The following MED27 variants were observed in gnomAD, a reference collection of about 807,000 sequenced individuals.
The protein encoded by MED27 is mediator of RNA polymerase II transcription subunit 27.
MED27 carries 30 observed loss-of-function variants against 38.2 expected under a neutral mutation model. The observed-to-expected ratio is 0.79, with a 90% CI of 0.59 to 1.07. MED27 has a LOEUF of 1.07. Ranked by LOEUF, MED27 falls within the 50% of genes least tolerant of loss-of-function variation. The pLI is 0.00. For synonymous variants in MED27, 122 were observed against 153.5 expected, an observed-to-expected ratio of 0.79 and a Z score of 1.52; for missense variants, 289 against 397.5, an observed-to-expected ratio of 0.73 and a Z score of 2.32.
intron 6 of MED27, among the ~76,000 whole-genome samples, chr9:131,870,471 C>A (rs536100695): frequency 6.6e-6 from 1 of 152,336 alleles, no homozygotes; most frequent in South Asian, 2.1e-4. Context: ...GGTACTCTCA[C>A]GTTTGGGACT....
chr9:131,930,048 C>A (rs773235085), intron 4 of MED27, among the ~76,000 whole-genome samples: 7 of 148,896 alleles, frequency 4.7e-5, no homozygotes, highest in African/African-American at 1.8e-4. Flanking sequence ...GAGAGAGAGG[C>A]TCCCTTTGTT....
At chr9:131,899,905 C>T (rs1211427480) in intron 4 of MED27, among the ~76,000 whole-genome samples, 3 of 152,254 alleles carry the variant, frequency 2.0e-5, no homozygotes, top group African/African-American at 7.2e-5. Context: ...TTTCCACAAA[C>T]TAGCCAATGC....
At chr9:131,939,900 CTTTTTTTTT>C (rs545565196) in intron 3 of MED27, among the ~76,000 whole-genome samples, 1 of 136,172 alleles carries the variant, frequency 7.3e-6, no homozygotes. Flanking sequence ...AAATTCCTTC[CTTTTTTTTT>C]TTTTTTTTTT....
chr9:131,924,952 T>G (rs1175295472), intron 4 of MED27, among the ~76,000 whole-genome samples: 1 of 152,248 alleles, frequency 6.6e-6, no homozygotes, highest in Non-Finnish European at 1.5e-5. Flanking sequence ...AGTGTTTCTT[T>G]CTCTAGGTGA....
chr9:132,001,357 T>C (rs1832230259), intron 3 of MED27, among the ~76,000 whole-genome samples: 1 of 152,158 alleles, frequency 6.6e-6, no homozygotes, highest in Non-Finnish European at 1.5e-5. Flanking sequence ...ATTGATTATA[T>C]TTTTGTAGCC....
rs886180558 is a variant in MED27, at chr9:132,051,149, A to G, written c.348+26293T>C. 6.6e-6 allele frequency among the ~76,000 whole-genome samples: 1 copy of G among 152,216 alleles called. No homozygotes were observed. Among genetic ancestry groups the G allele is most frequent in the African/African-American group, 2.4e-5 (1 of 41,456 alleles). On this transcript the variant is annotated intron_variant, in intron 2 of 7. Transcript: ENST00000292035. The surrounding 1 kb of genome is among the most constrained non-coding windows in gnomAD (Gnocchi z 4.2). ...TAATCAATTATGAGATGTGTCCCAA[A>G]TAACATGTTCCCGATAACAGTTAAA... is the stretch of plus-strand genomic sequence containing the variant.
chr9:131,872,148 G>A lies in MED27; in HGVS notation c.724-9008C>T, dbSNP rs768194582. ...GGCTGGTGGACCAGGCTGGGGACCA[G>A]GACCCAGGAGTTCACAGGCTCCCTG... On this transcript the variant is annotated intron_variant, in intron 6 of 7. Coordinates refer to ENST00000292035, the MANE Select transcript of MED27 (RefSeq NM_004269.4). This position sits in a 1 kb window ranked among gnomAD's most constrained non-coding sequence, Gnocchi z 5.6. Among the ~76,000 whole-genome samples the A allele has an allele frequency of 5.9e-5, 9 of 152,214 alleles. No homozygotes were observed. Among genetic ancestry groups the A allele is most frequent in the Non-Finnish European group, 1.2e-4 (8 of 68,044 alleles).
chr9:131,896,642 G>A (rs1389633511), intron 4 of MED27, among the ~76,000 whole-genome samples: 1 of 151,948 alleles, frequency 6.6e-6, no homozygotes, highest in Non-Finnish European at 1.5e-5. Context: ...TAACATTTTG[G>A]GGTACTTCCT....
At chr9:132,021,965 T>C (rs1832725757) in intron 2 of MED27, among the ~76,000 whole-genome samples, 1 of 152,148 alleles carries the variant, frequency 6.6e-6, no homozygotes, top group Admixed American at 6.5e-5. Flanking sequence ...CTGTGAAAAA[T>C]AAATGTTTGT....
chr9:132,043,331 G>A (rs1283452448), intron 2 of MED27, among the ~76,000 whole-genome samples: 7 of 148,448 alleles, frequency 4.7e-5, no homozygotes, highest in Admixed American at 4.0e-4. Flanking sequence ...AAAAAAAAAG[G>A]AATAAAGATG....
intron 2 of MED27, among the ~76,000 whole-genome samples, chr9:132,060,830 T>C (rs1475821693): frequency 5.3e-5 from 8 of 152,082 alleles, no homozygotes; most frequent in South Asian, 2.1e-4. Flanking sequence ...GTGCCTGTAA[T>C]CTCAGCTACT....
chr9:132,017,113 G>A (rs1000779389), intron 2 of MED27, among the ~76,000 whole-genome samples: 42 of 152,154 alleles, frequency 2.8e-4, no homozygotes, highest in African/African-American at 9.9e-4. Context: ...ATCTATAAGG[G>A]GCCCATTAAA....
At chr9:132,028,090 A>G (rs1373207273) in intron 2 of MED27, among the ~76,000 whole-genome samples, 1 of 152,148 alleles carries the variant, frequency 6.6e-6, no homozygotes, top group Non-Finnish European at 1.5e-5. Context: ...CCTCACCAGC[A>G]TTCTACCACT....
intron 3 of MED27, among the ~76,000 whole-genome samples, chr9:131,950,729 T>A (rs769869428): frequency 6.6e-6 from 1 of 152,208 alleles, no homozygotes; most frequent in Non-Finnish European, 1.5e-5. Flanking sequence ...GACAGTAAGT[T>A]TGATAGTCAT....
intron 4 of MED27, among the ~76,000 whole-genome samples, chr9:131,933,542 A>G (rs945051482): frequency 2.8e-4 from 42 of 152,114 alleles, no homozygotes; most frequent in African/African-American, 9.7e-4. Context: ...TCAACCAAAG[A>G]AACAGAATTG....
chr9:131,909,264 G>A lies in MED27; in HGVS notation c.574-15272C>T, dbSNP rs188569694. ...TACTTTTGAAATATGTAAGTGAAGA[G>A]ATGTTAAATGGGCAGGCCAGGCACA... On this transcript the variant is annotated intron_variant, in intron 4 of 7. Coordinates refer to ENST00000292035, the MANE Select transcript of MED27 (RefSeq NM_004269.4). Among the ~76,000 whole-genome samples, 9 of 152,354 alleles carry A rather than the reference G, an allele frequency of 5.9e-5. No homozygotes were observed. In the East Asian group the frequency reaches 1.7e-3, roughly 29 times the overall value.
chr9:131,993,242 T>A lies in MED27; in HGVS notation c.479+21095A>T, dbSNP rs201791598. Among the ~76,000 whole-genome samples, 598 of 132,268 alleles carry A rather than the reference T, an allele frequency of 4.5e-3. 3 individuals carry two copies. Among genetic ancestry groups the A allele is most frequent in the African/African-American group, 0.014 (544 of 38,276 alleles). 86.8% of individuals were successfully genotyped at this position (132,268 alleles called of 152,430 possible). On this transcript the variant is annotated intron_variant, in intron 3 of 7. Coordinates refer to ENST00000292035, the MANE Select transcript of MED27 (RefSeq NM_004269.4). The stretch of plus-strand genomic sequence containing the variant: ...AGTTGTTATTCATGTTTTTTTTTTT[T>A]TAAAAAATTCAAGTTTTTCCTTACA...
At chr9:132,005,308 C>CA in intron 3 of MED27, among the ~76,000 whole-genome samples, 1 of 152,166 alleles carries the variant, frequency 6.6e-6, no homozygotes, top group Admixed American at 6.5e-5. Flanking sequence ...GCAAATGGAA[C>CA]AAAAAAGCAG....
chr9:131,985,338 A>G (rs1227529781), intron 3 of MED27, among the ~76,000 whole-genome samples: 1 of 152,130 alleles, frequency 6.6e-6, no homozygotes, highest in Admixed American at 6.5e-5. Context: ...CCCAAATAAG[A>G]TGAGAAAATT....
Sources: allele counts gnomAD v4.1 joint callset (sites outside exome capture counted in the v4.1 genomes callset), GRCh38; gene constraint gnomAD v4.1.1; non-coding constraint Gnocchi (gnomAD v3.1); transcripts MANE v1.5; gene names NCBI Gene and HGNC (gene_info 2026-07-23, HGNC 2026-07-21).